NCS1: variants seen among roughly 807,000 people sequenced by gnomAD.
NCS1 encodes the protein neuronal calcium sensor 1.
A neutral mutation model predicts 28.4 loss-of-function variants in NCS1; 6 were observed. That is an observed-to-expected ratio of 0.21 (90% confidence interval 0.12 to 0.42). NCS1 has a LOEUF of 0.42. Ranked by LOEUF, NCS1 falls within the 10% of genes least tolerant of loss-of-function variation. The probability of loss-of-function intolerance (pLI) is 1.00; values close to 1 mark genes in which losing one functional copy is unlikely to be tolerated. For missense variants in NCS1, 131 were observed against 241.4 expected (o/e 0.54, Z 3.03); for synonymous variants, 86 against 99.3 (o/e 0.87, Z 0.79).
At chr9:130,208,991 C>T (rs1833072058) in intron 2 of NCS1, among the ~76,000 whole-genome samples, 1 of 152,062 alleles carries the variant, frequency 6.6e-6, no homozygotes, top group Non-Finnish European at 1.5e-5. Context: ...CCTGTAAAAC[C>T]GGAGGCTACT....
At chr9:130,213,047 GTTA>G (rs1419890293) in intron 2 of NCS1, among the ~76,000 whole-genome samples, 22 of 152,186 alleles carry the variant, frequency 1.4e-4, no homozygotes, top group Non-Finnish European at 2.4e-4. Flanking sequence ...TGAGCAGGAG[GTTA>G]CGTAATGTTT....
rs145335088 is a variant in NCS1 at position 130,219,906 on chromosome 9, G to A, written c.307+103G>A. 1.5e-3 allele frequency: 1,897 copies of A among 1,231,184 alleles called. 14 individuals carry two copies. The African/African-American group carries it at 0.023, about 15-fold the overall frequency. 76.3% of individuals were successfully genotyped at this position (1,231,184 alleles called of 1,614,324 possible). On this transcript the variant is annotated intron_variant, in intron 4 of 7. Coordinates refer to ENST00000372398, the MANE Select transcript of NCS1 (RefSeq NM_014286.4). This position sits in a 1 kb window ranked among gnomAD's most constrained non-coding sequence, Gnocchi z 5.7. The stretch of plus-strand genomic sequence containing the variant: ...CAGGCAGGGGTGCCAGACACCCACT[G>A]CAGTGACCACAGATGGCGTCCCAGC...
Position 130,172,510 on chromosome 9 carries a change from ACGCCCCGGG to A in NCS1, c.-145_-137del. The A allele has an allele frequency of 6.1e-6, 1 of 163,698 alleles. No individual in the cohort carries two copies. Among genetic ancestry groups the A allele is most frequent in the Non-Finnish European group, 1.1e-5 (1 of 87,820 alleles). 10.1% of individuals were successfully genotyped at this position (163,698 alleles called of 1,614,324 possible). On this transcript the variant is annotated 5_prime_UTR_variant, in exon 1 of 8. Transcript: ENST00000372398. ...CCCGGGCCTGCCCAGCGGCCGCCCC[ACGCCCCGGG>A]CGCCCCGGCGCCGACAGCCGCGCAG...
At chr9:130,204,383 G>A (rs2131138585) in intron 2 of NCS1, among the ~76,000 whole-genome samples, 1 of 152,176 alleles carries the variant, frequency 6.6e-6, no homozygotes, top group African/African-American at 2.4e-5. Flanking sequence ...TGACCTCCTG[G>A]GCTCAAGTGA....
At chr9:130,200,678 C>T (rs931923453) in intron 1 of NCS1, 44 of 1,548,916 alleles carry the variant, frequency 2.8e-5, no homozygotes, top group Middle Eastern at 1.7e-4. Flanking sequence ...TGCCACAGGG[C>T]GTTCCTGGGG....
In NCS1 at chr9:130,186,828, G is replaced by GCTGATGGCGGGAGGGCC. The variant is rs1265435477; in HGVS notation, c.64+14110_65-14105dup. Among the ~76,000 whole-genome samples, 1 of 152,208 alleles carries GCTGATGGCGGGAGGGCC rather than the reference G, an allele frequency of 6.6e-6. No homozygotes were observed. Among genetic ancestry groups the GCTGATGGCGGGAGGGCC allele is most frequent in the Non-Finnish European group, 1.5e-5 (1 of 68,030 alleles). On this transcript the variant is annotated intron_variant, in intron 1 of 7. Transcript: ENST00000372398. This position sits in a 1 kb window ranked among gnomAD's most constrained non-coding sequence, Gnocchi z 4.1. Reference sequence around the variant, plus strand: ...ATAGAGGGCCTGTGGCCGTGAGGGTGCTGATGGCGGGAGGGCCCTGATGGC... The same window carrying GCTGATGGCGGGAGGGCC: ...ATAGAGGGCCTGTGGCCGTGAGGGTGCTGATGGCGGGAGGGCCCTGATGGCGGGAGGGCCCTGATGGC...
rs186633377 is a variant in NCS1, at chr9:130,185,830, A to G, written c.64+13103A>G. 2.5e-3 allele frequency among the ~76,000 whole-genome samples: 381 copies of G among 152,364 alleles called. 3 individuals carry two copies. Among genetic ancestry groups the G allele is most frequent in the Middle Eastern group, 0.014 (4 of 294 alleles). On this transcript the variant is annotated intron_variant, in intron 1 of 7. Transcript: ENST00000372398. ...ACCCCCTGCGCGCCCAGCAGCCCAC[A>G]CAGCCTTGCCGGGCCATTGTTGTCT...
At chr9:130,221,407 T>TAGAGAGAG (rs1224970441) in intron 4 of NCS1, among the ~76,000 whole-genome samples, 1 of 42,728 alleles carries the variant, frequency 2.3e-5, no homozygotes, top group African/African-American at 1.0e-4. Flanking sequence ...TATATATATA[T>TAGAGAGAG]ATATATAGAG....
rs554374752 is a variant in NCS1 at position 130,185,309 on chromosome 9, T to G, written c.64+12582T>G. Among the ~76,000 whole-genome samples the G allele has an allele frequency of 1.4e-4, 22 of 152,366 alleles. No homozygotes were observed. In the South Asian group the frequency reaches 3.5e-3, roughly 24 times the overall value. On this transcript the variant is annotated intron_variant, in intron 1 of 7. Transcript: ENST00000372398. ...GCTCCTAGAACAGAGCCTGTGCATA[T>G]TGTTGGAATGAATGAGAAAACAAGT...
At position 130,197,890 on chromosome 9, in the gene NCS1, G is replaced by A. The variant is rs141409590; in HGVS notation, c.65-3068G>A. ...AGGCACACGAGGATCACTTGAACCC[G>A]GGAGGTGGAGGTTGCAGTGAGCCAA... On this transcript the variant is annotated intron_variant, in intron 1 of 7. Transcript: ENST00000372398. 2.4e-3 allele frequency among the ~76,000 whole-genome samples: 368 copies of A among 151,738 alleles called. 2 individuals are homozygous for A. The highest frequency in any genetic ancestry group is 8.4e-3 in the African/African-American group (349 of 41,340).
In NCS1 at chr9:130,219,248, G is replaced by A. The variant is rs1833234617; in HGVS notation, c.229-477G>A. Among the ~76,000 whole-genome samples, 1 of 152,136 alleles carries A rather than the reference G, an allele frequency of 6.6e-6. No individual in the cohort carries two copies. On this transcript the variant is annotated intron_variant, in intron 3 of 7. Coordinates refer to ENST00000372398, the MANE Select transcript of NCS1 (RefSeq NM_014286.4). The surrounding 1 kb of genome is among the most constrained non-coding windows in gnomAD (Gnocchi z 5.7). ...TCTCCCAGGTGCCCCCAGGCTGGGA[G>A]TCACATGCCTGACCCTGGGAAGGGC...
At chr9:130,205,075 G>A (rs896601952) in intron 2 of NCS1, among the ~76,000 whole-genome samples, 2 of 152,148 alleles carry the variant, frequency 1.3e-5, no homozygotes, top group African/African-American at 4.8e-5. Context: ...AAACGAAGAT[G>A]AGAGCACAGC....
At chr9:130,200,608 A>C (rs1832928935) in intron 1 of NCS1, 2 of 1,551,690 alleles carry the variant, frequency 1.3e-6, no homozygotes, top group African/African-American at 1.4e-5. Flanking sequence ...AGAGATGGCA[A>C]CGAGTAAGTC....
At chr9:130,188,841 C>T (rs542031171) in intron 1 of NCS1, among the ~76,000 whole-genome samples, 12 of 152,198 alleles carry the variant, frequency 7.9e-5, no homozygotes, top group East Asian at 1.9e-4. Context: ...TTCAGCCTCC[C>T]GAGTAACTGG....
At chr9:130,207,422 C>T (rs1833040238) in intron 2 of NCS1, among the ~76,000 whole-genome samples, 1 of 152,228 alleles carries the variant, frequency 6.6e-6, no homozygotes, top group African/African-American at 2.4e-5. Context: ...AGCCTCTGCC[C>T]CTGCTGTTCC....
intron 2 of NCS1, among the ~76,000 whole-genome samples, chr9:130,201,787 G>C (rs1832951177): frequency 6.6e-6 from 1 of 152,184 alleles, no homozygotes; most frequent in Non-Finnish European, 1.5e-5. Flanking sequence ...GGCCCGCCTG[G>C]CTCTGCTGAG....
Position 130,219,436 on chromosome 9 carries a change from C to T in NCS1, c.229-289C>T, listed in dbSNP as rs572084335. On this transcript the variant is annotated intron_variant, in intron 3 of 7. Transcript: ENST00000372398. The surrounding 1 kb of genome is among the most constrained non-coding windows in gnomAD (Gnocchi z 5.7). ...GCTCAGGCATTGGTGCTTCTGGCAC[C>T]TTCTCCCATCAAGAGTGGAGTAAGC... 2.0e-5 allele frequency among the ~76,000 whole-genome samples: 3 copies of T among 152,288 alleles called. No individual in the cohort carries two copies. The East Asian group carries it at 5.8e-4, about 29-fold the overall frequency.
In NCS1 at chr9:130,182,329, C is replaced by T. The variant is rs369462637; in HGVS notation, c.64+9602C>T. On this transcript the variant is annotated intron_variant, in intron 1 of 7. Coordinates refer to ENST00000372398, the MANE Select transcript of NCS1 (RefSeq NM_014286.4). Reference sequence around the variant, plus strand: ...CCTGCCTCCCACCGTCTCTGTGAGCCTCAAAACCTTGGAGTTCCCTGCCAA... The same window carrying T: ...CCTGCCTCCCACCGTCTCTGTGAGCTTCAAAACCTTGGAGTTCCCTGCCAA... Among the ~76,000 whole-genome samples, 327 of 152,302 alleles carry T rather than the reference C, an allele frequency of 2.1e-3. 4 individuals carry two copies. The highest frequency in any genetic ancestry group is 7.5e-3 in the African/African-American group (311 of 41,574).
At chr9:130,203,553 G>C (rs1832986027) in intron 2 of NCS1, among the ~76,000 whole-genome samples, 1 of 152,178 alleles carries the variant, frequency 6.6e-6, no homozygotes, top group African/African-American at 2.4e-5. Flanking sequence ...GGACAGACGT[G>C]AGCAGCTGTC....
Sources: gnomAD v4.1 joint callset for allele counts (sites outside exome capture counted in the v4.1 genomes callset) on GRCh38, gnomAD v4.1.1 for gene constraint, Gnocchi (gnomAD v3.1) non-coding constraint, MANE v1.5 for transcripts, NCBI Gene and HGNC (gene_info 2026-07-23, HGNC 2026-07-21) for gene names.